The following BRINP3 variants were observed in gnomAD, a reference collection of about 807,000 sequenced individuals.
BRINP3 encodes the protein BMP/retinoic acid-inducible neural-specific protein 3.
A neutral mutation model predicts 71.0 loss-of-function variants in BRINP3; 19 were observed. The ratio of observed to expected loss-of-function variants is 0.27; its 90% CI spans 0.19 to 0.39. The LOEUF (loss-of-function observed/expected upper bound fraction) is 0.39. BRINP3 is among the 10% of genes least tolerant of loss of function. The pLI is 1.00. For missense variants in BRINP3, 959 were observed against 940.8 expected (o/e 1.02, Z -0.25); for synonymous variants, 380 against 337.7 (o/e 1.13, Z -1.37).
At chr1:190,330,832 A>G (rs1434301586) in intron 2 of BRINP3, among the ~76,000 whole-genome samples, 4 of 152,036 alleles carry the variant, frequency 2.6e-5, no homozygotes, top group Non-Finnish European at 4.4e-5. Flanking sequence ...CTTTGCAGCA[A>G]TGTGGATGTA....
intron 2 of BRINP3, among the ~76,000 whole-genome samples, chr1:190,432,314 G>A (rs1209130891): frequency 6.6e-6 from 1 of 152,024 alleles, no homozygotes; most frequent in Non-Finnish European, 1.5e-5. Context: ...GCCATTTAGA[G>A]GTATATTTCT....
chr1:190,341,090 T>G (rs544171128), intron 2 of BRINP3, among the ~76,000 whole-genome samples: 16 of 151,952 alleles, frequency 1.1e-4, no homozygotes, highest in African/African-American at 3.6e-4. Context: ...CTCCAGTAGT[T>G]TAAGATGAAA....
intron 7 of BRINP3, among the ~76,000 whole-genome samples, chr1:190,105,513 CTGATA>C (rs1202058124): frequency 2.6e-5 from 4 of 152,030 alleles, no homozygotes; most frequent in African/African-American, 9.7e-5. Flanking sequence ...TCACTACTCC[CTGATA>C]TAAGTATGCT....
At chr1:190,329,194 T>C (rs996501584) in intron 2 of BRINP3, among the ~76,000 whole-genome samples, 12 of 151,682 alleles carry the variant, frequency 7.9e-5, no homozygotes, top group Non-Finnish European at 1.6e-4. Context: ...AAAGGGAAAA[T>C]AATAAAAAAG....
At chr1:190,264,161 C>A (rs1383944452) in intron 4 of BRINP3, among the ~76,000 whole-genome samples, 2 of 152,088 alleles carry the variant, frequency 1.3e-5, no homozygotes, top group Non-Finnish European at 2.9e-5. Context: ...GTTTAGGAGA[C>A]AACAATTTCT....
At chr1:190,195,134 G>A (rs1281977877) in intron 6 of BRINP3, among the ~76,000 whole-genome samples, 1 of 151,872 alleles carries the variant, frequency 6.6e-6, no homozygotes, top group East Asian at 1.9e-4. Flanking sequence ...TTTTATATAT[G>A]CAATCACAAG....
chr1:190,202,643 G>C (rs543830917), intron 6 of BRINP3, among the ~76,000 whole-genome samples: 24 of 152,026 alleles, frequency 1.6e-4, no homozygotes, highest in African/African-American at 5.8e-4. Context: ...TTGAATCATT[G>C]GGACAGGTCT....
chr1:190,281,462 T>TA, intron 3 of BRINP3, 98 bp downstream of exon 3: 1 of 1,124,038 alleles, frequency 8.9e-7, no homozygotes, highest in East Asian at 2.4e-5. Context: ...CTATAACTAT[T>TA]CATACTGTAG....
At chr1:190,359,529 G>T (rs976864971) in intron 2 of BRINP3, among the ~76,000 whole-genome samples, 2 of 152,050 alleles carry the variant, frequency 1.3e-5, no homozygotes, top group Non-Finnish European at 2.9e-5. Flanking sequence ...CAGATGCTAA[G>T]GTGGGATGAT....
chr1:190,154,124 T>G, intron 7 of BRINP3: 1 of 899,710 alleles, frequency 1.1e-6, no homozygotes, highest in Non-Finnish European at 1.3e-6. Context: ...GGGAAAGAGA[T>G]AAAAAAGATG....
chr1:190,196,658 GT>G (rs201310383), intron 6 of BRINP3, among the ~76,000 whole-genome samples: 2 of 150,660 alleles, frequency 1.3e-5, no homozygotes, highest in African/African-American at 2.4e-5. Context: ...TAACTGATAG[GT>G]TTTTTTTTGT....
intron 6 of BRINP3, among the ~76,000 whole-genome samples, chr1:190,195,311 T>G (rs1037870243): frequency 6.6e-6 from 1 of 151,980 alleles, no homozygotes; most frequent in African/African-American, 2.4e-5. Context: ...ATCTATAAAA[T>G]AAGACCGATT....
At chr1:190,373,337 C>A (rs1465143260) in intron 2 of BRINP3, among the ~76,000 whole-genome samples, 3 of 151,566 alleles carry the variant, frequency 2.0e-5, no homozygotes, top group South Asian at 2.1e-4. Flanking sequence ...TTGCAGTGAG[C>A]CGAGATAGCG....
At chr1:190,198,539 G>T (rs1051800775) in intron 6 of BRINP3, among the ~76,000 whole-genome samples, 1 of 152,076 alleles carries the variant, frequency 6.6e-6, no homozygotes, top group Admixed American at 6.6e-5. Context: ...ATACTGTGCT[G>T]TTTAAAAACA....
chr1:190,148,200 A>G (rs1557189), intron 7 of BRINP3, among the ~76,000 whole-genome samples: 20,691 of 151,874 alleles, frequency 0.14, 2,094 homozygotes, highest in African/African-American at 0.26. Context: ...TCTCTTTCTC[A>G]TTGCCTCTTC....
intron 2 of BRINP3, among the ~76,000 whole-genome samples, chr1:190,353,767 G>T (rs1368471487): frequency 6.6e-6 from 1 of 151,890 alleles, no homozygotes; most frequent in Non-Finnish European, 1.5e-5. Flanking sequence ...CAAATCTTGT[G>T]TATTCCACCA....
At chr1:190,388,017 C>A (rs1358578022) in intron 2 of BRINP3, among the ~76,000 whole-genome samples, 1 of 151,712 alleles carries the variant, frequency 6.6e-6, no homozygotes, top group Non-Finnish European at 1.5e-5. Flanking sequence ...TGTATATGTA[C>A]ATTAATTAAT....
chr1:190,136,176 C>G (rs1396925145), intron 7 of BRINP3, among the ~76,000 whole-genome samples: 2 of 152,018 alleles, frequency 1.3e-5, no homozygotes. Flanking sequence ...TATTCATATT[C>G]AAAATCTCCA....
At chr1:190,460,045 C>A (rs1342065781) in intron 1 of BRINP3, among the ~76,000 whole-genome samples, 3 of 151,880 alleles carry the variant, frequency 2.0e-5, no homozygotes, top group Non-Finnish European at 2.9e-5. Flanking sequence ...CTCTAAATTT[C>A]TTCTCTTGAG....
Sources: gnomAD v4.1 joint callset for allele counts (sites outside exome capture counted in the v4.1 genomes callset) on GRCh38, gnomAD v4.1.1 for gene constraint, MANE v1.5 for transcripts, NCBI Gene and HGNC (gene_info 2026-07-23, HGNC 2026-07-21) for gene names.